The following KANSL1L variants were observed in gnomAD, a reference collection of about 807,000 sequenced individuals.
KANSL1L encodes the protein KAT8 regulatory NSL complex subunit 1-like protein.
A neutral mutation model predicts 108.6 loss-of-function variants in KANSL1L; 25 were observed. The observed-to-expected ratio is 0.23, with a 90% CI of 0.17 to 0.32. The LOEUF is 0.32. Among genes scored for constraint, KANSL1L ranks in the 10% least tolerant of loss-of-function variants. The probability of loss-of-function intolerance (pLI) is 1.00; values close to 1 mark genes in which losing one functional copy is unlikely to be tolerated. For synonymous variants in KANSL1L, 405 were observed against 395.1 expected, an observed-to-expected ratio of 1.03 and a Z score of -0.30; for missense variants, 1,137 against 1,125.7, an observed-to-expected ratio of 1.01 and a Z score of -0.14.
intron 6 of KANSL1L, among the ~76,000 whole-genome samples, chr2:210,072,632 A>G (rs1024999259): frequency 4.6e-5 from 7 of 151,964 alleles, no homozygotes; most frequent in African/African-American, 1.7e-4. Flanking sequence ...CCTCAGATGC[A>G]CAGTTCACAA....
At chr2:210,048,900 C>G (rs977903230) in intron 6 of KANSL1L, among the ~76,000 whole-genome samples, 7 of 152,068 alleles carry the variant, frequency 4.6e-5, no homozygotes, top group Non-Finnish European at 7.4e-5. Context: ...ATCTTCAAAA[C>G]AAAAACAAAA....
chr2:210,085,676 A>G (rs1189825697), intron 5 of KANSL1L, among the ~76,000 whole-genome samples: 1 of 151,948 alleles, frequency 6.6e-6, no homozygotes, highest in Non-Finnish European at 1.5e-5. Flanking sequence ...TCTTTTTTCT[A>G]TAAAATCATA....
At chr2:210,114,382 T>C (rs1035905155) in intron 3 of KANSL1L, among the ~76,000 whole-genome samples, 21 of 151,710 alleles carry the variant, frequency 1.4e-4, no homozygotes, top group Non-Finnish European at 2.8e-4. Flanking sequence ...CCTTCAAAGG[T>C]AAAAAAAATT....
At chr2:210,166,806 G>A (rs558205178) in intron 1 of KANSL1L, among the ~76,000 whole-genome samples, 1 of 152,024 alleles carries the variant, frequency 6.6e-6, no homozygotes, top group Non-Finnish European at 1.5e-5. Context: ...GAACCCTGAA[G>A]TAGGGTCAAA....
rs562277467 is a variant in KANSL1L at position 210,133,777 on chromosome 2, T to G, written c.1089-4605A>C. 1.2e-4 allele frequency among the ~76,000 whole-genome samples: 18 copies of G among 152,260 alleles called. No homozygotes were observed. In the East Asian group the frequency reaches 3.5e-3, roughly 29 times the overall value. The stretch of plus-strand genomic sequence containing the variant: ...ATATTATTCAGTTCAAAACATTTTA[T>G]AGTTTCTCTTGTGACTTCTTCATCC... On this transcript the variant is annotated intron_variant, in intron 2 of 14. Transcript: ENST00000281772.
chr2:210,117,093 T>C (rs981631128), intron 3 of KANSL1L, among the ~76,000 whole-genome samples: 28 of 152,010 alleles, frequency 1.8e-4, no homozygotes, highest in Non-Finnish European at 1.0e-4. Context: ...AAAATGCAAC[T>C]GACATTATGA....
chr2:210,148,861 G>C (rs2095283307), intron 2 of KANSL1L, among the ~76,000 whole-genome samples: 1 of 151,798 alleles, frequency 6.6e-6, no homozygotes, highest in African/African-American at 2.4e-5. Flanking sequence ...TCCTATCAGG[G>C]CTACTAACTC....
intron 5 of KANSL1L, among the ~76,000 whole-genome samples, chr2:210,081,799 T>A (rs2125350099): frequency 6.6e-6 from 1 of 152,296 alleles, no homozygotes; most frequent in East Asian, 1.9e-4. Context: ...GGTGAATAAG[T>A]AAATGTTAAA....
intron 2 of KANSL1L, among the ~76,000 whole-genome samples, chr2:210,137,857 C>G (rs1268564542): frequency 6.6e-6 from 1 of 152,002 alleles, no homozygotes; most frequent in Non-Finnish European, 1.5e-5. Context: ...ACAGCAAAAA[C>G]CTGTCTCTAC....
At chr2:210,162,236 ATATATATG>A (rs1267311973) in intron 1 of KANSL1L, among the ~76,000 whole-genome samples, 4 of 143,306 alleles carry the variant, frequency 2.8e-5, no homozygotes, top group African/African-American at 5.1e-5. Flanking sequence ...ATATATATAT[ATATATATG>A]TATATCAATA....
chr2:210,027,750 A>G (rs2093957065), intron 11 of KANSL1L, among the ~76,000 whole-genome samples: 1 of 152,216 alleles, frequency 6.6e-6, no homozygotes, highest in East Asian at 1.9e-4. Context: ...GTAGTTTAAT[A>G]ACTGGCTCAC....
intron 5 of KANSL1L, among the ~76,000 whole-genome samples, chr2:210,080,849 G>C (rs1220604489): frequency 4.0e-5 from 6 of 151,890 alleles, no homozygotes; most frequent in Non-Finnish European, 8.8e-5. Context: ...GCTCATGCCT[G>C]TAATCCCAGC....
At chr2:210,165,432 T>G (rs1159474875) in intron 1 of KANSL1L, among the ~76,000 whole-genome samples, 1 of 152,086 alleles carries the variant, frequency 6.6e-6, no homozygotes, top group Admixed American at 6.6e-5. Context: ...TAATAAACAT[T>G]TTTTAAAACT....
chr2:210,129,015 CACAG>C lies in KANSL1L; in HGVS notation c.1230+12_1230+15del, dbSNP rs777484009. ...ACAATTTTTAACAAAAGTAGAAGAA[CACAG>C]ACAGACAATACCTTGGAGGCACGAA... On this transcript the variant is annotated intron_variant, in intron 3 of 14. Transcript: ENST00000281772. 26 of 1,599,358 alleles carry C rather than the reference CACAG, an allele frequency of 1.6e-5. No homozygotes were observed. Among genetic ancestry groups the C allele is most frequent in the Non-Finnish European group, 2.1e-5 (25 of 1,169,774 alleles).
chr2:210,143,378 G>A (rs2095243577), intron 2 of KANSL1L, among the ~76,000 whole-genome samples: 1 of 151,648 alleles, frequency 6.6e-6, no homozygotes, highest in South Asian at 2.1e-4. Flanking sequence ...AGCTAGCTGG[G>A]TCTTAAAAAA....
Position 210,139,097 on chromosome 2 carries a change from TCAAAACAAAA to T in KANSL1L, c.1089-9935_1089-9926del, listed in dbSNP as rs548956721. Among the ~76,000 whole-genome samples, 76 of 152,180 alleles carry T rather than the reference TCAAAACAAAA, an allele frequency of 5.0e-4. 1 individual carries two copies. Among genetic ancestry groups the T allele is most frequent in the East Asian group, 2.3e-3 (12 of 5,180 alleles). ...CTGGGCAACAAAGCAAGACTCCATC[TCAAAACAAAA>T]CAAAACAAAACAAAAAGAAATGCAT... is the stretch of plus-strand genomic sequence containing the variant. On this transcript the variant is annotated intron_variant, in intron 2 of 14. Coordinates refer to ENST00000281772, the MANE Select transcript of KANSL1L (RefSeq NM_152519.4).
At chr2:210,134,757 T>G (rs975837415) in intron 2 of KANSL1L, among the ~76,000 whole-genome samples, 3 of 152,076 alleles carry the variant, frequency 2.0e-5, no homozygotes, top group African/African-American at 7.2e-5. Flanking sequence ...CACATATAAC[T>G]GACAGGAAGA....
chr2:210,045,272 CTT>C, intron 6 of KANSL1L, among the ~76,000 whole-genome samples: 1 of 151,990 alleles, frequency 6.6e-6, no homozygotes, highest in Admixed American at 6.6e-5. Flanking sequence ...TTTCCCATCT[CTT>C]AATTTTAATT....
chr2:210,146,139 A>G (rs1383268869), intron 2 of KANSL1L, among the ~76,000 whole-genome samples: 1 of 152,082 alleles, frequency 6.6e-6, no homozygotes, highest in African/African-American at 2.4e-5. Flanking sequence ...TGATACCGGT[A>G]GCCCCCACCC....
Sources: gnomAD v4.1 joint callset for allele counts (sites outside exome capture counted in the v4.1 genomes callset) on GRCh38, gnomAD v4.1.1 for gene constraint, MANE v1.5 for transcripts, NCBI Gene and HGNC (gene_info 2026-07-23, HGNC 2026-07-21) for gene names.